The following COL5A2 variants were observed in gnomAD, a reference collection of about 807,000 sequenced individuals.
The protein encoded by COL5A2 is collagen alpha-2(V) chain.
In COL5A2, 23 loss-of-function variants were observed where a neutral mutation model predicts 208.2. The observed-to-expected ratio is 0.11, with a 90% CI of 0.08 to 0.16. The LOEUF (loss-of-function observed/expected upper bound fraction) is 0.16. Ranked by LOEUF, COL5A2 falls within the 10% of genes least tolerant of loss-of-function variation. The pLI, the probability that COL5A2 is intolerant of heterozygous loss-of-function variation, is 1.00. For missense variants in COL5A2, 1,590 were observed against 1,956.4 expected, an observed-to-expected ratio of 0.81 and a Z score of 3.53; for synonymous variants, 625 against 628.5, an observed-to-expected ratio of 0.99 and a Z score of 0.08.
chr2:189,299,913 GT>G, the COL5A2 span, among the ~76,000 whole-genome samples: 5 of 152,124 alleles, frequency 3.3e-5, no homozygotes, highest in Non-Finnish European at 7.4e-5. Flanking sequence ...CTAACCTATT[GT>G]GCAAAGTGGA....
chr2:189,237,194 C>T, the COL5A2 span, among the ~76,000 whole-genome samples: 1 of 151,600 alleles, frequency 6.6e-6, no homozygotes, highest in African/African-American at 2.4e-5. Context: ...TTAATAATTT[C>T]CTATTCCAGT....
the COL5A2 span, among the ~76,000 whole-genome samples, chr2:189,343,183 A>G: frequency 6.6e-6 from 1 of 152,082 alleles, no homozygotes; most frequent in Non-Finnish European, 1.5e-5. Context: ...TAAAAAAAAC[A>G]GTCATTTTAT....
chr2:189,111,207 T>A (rs1559109198), intron 1 of COL5A2, among the ~76,000 whole-genome samples: 3 of 150,802 alleles, frequency 2.0e-5, no homozygotes, highest in Non-Finnish European at 1.5e-5. Flanking sequence ...TTTAAGAAAG[T>A]TTGGGAAAAT....
the COL5A2 span, among the ~76,000 whole-genome samples, chr2:189,405,229 GCCTT>G: frequency 2.1e-5 from 2 of 97,224 alleles, no homozygotes; most frequent in Admixed American, 1.1e-4. Flanking sequence ...TTAATTAAAT[GCCTT>G]TTTTTTCTTT....
the COL5A2 span, chr2:189,311,353 G>C: frequency 1.0e-6 from 1 of 968,612 alleles, no homozygotes; most frequent in Non-Finnish European, 1.6e-6. Context: ...TTTGCATGGA[G>C]TTGCTGCTGT....
intron 1 of COL5A2, among the ~76,000 whole-genome samples, chr2:189,114,680 G>T (rs1010425794): frequency 5.3e-5 from 8 of 150,938 alleles, no homozygotes; most frequent in Admixed American, 4.0e-4. Context: ...TATTGGGGCC[G>T]GTCAGGGAGT....
chr2:189,197,424 C>G (rs572065232), intron 1 of COL5A2, among the ~76,000 whole-genome samples: 4 of 152,130 alleles, frequency 2.6e-5, no homozygotes, highest in Middle Eastern at 3.4e-3. Flanking sequence ...ACATTCTGTA[C>G]TTGTAACCCA....
At chr2:189,316,113 T>C in the COL5A2 span, among the ~76,000 whole-genome samples, 5 of 152,146 alleles carry the variant, frequency 3.3e-5, no homozygotes, top group Non-Finnish European at 5.9e-5. Flanking sequence ...TTACTTGCTA[T>C]ATACCTAAGG....
intron 7 of COL5A2, among the ~76,000 whole-genome samples, chr2:189,089,782 T>C (rs1291856013): frequency 6.6e-6 from 1 of 152,180 alleles, no homozygotes; most frequent in African/African-American, 2.4e-5. Flanking sequence ...ATCTTGATGT[T>C]ACTAAAGTAG....
chr2:189,079,912 G>C (rs757173502), intron 14 of COL5A2, 66 bp downstream of exon 14: 8 of 1,337,310 alleles, frequency 6.0e-6, no homozygotes, highest in Non-Finnish European at 8.6e-6. Flanking sequence ...TCTGAAAAAT[G>C]TGTAAACATT....
chr2:189,079,294 A>C (rs761063524), intron 14 of COL5A2, among the ~76,000 whole-genome samples, 187 bp from the exon 15 acceptor site: 47 of 152,180 alleles, frequency 3.1e-4, no homozygotes, highest in Non-Finnish European at 2.9e-4. Context: ...AGTTTTAAAG[A>C]AATACATCTA....
the COL5A2 span, among the ~76,000 whole-genome samples, chr2:189,296,631 CA>C: frequency 6.6e-6 from 1 of 152,084 alleles, no homozygotes; most frequent in South Asian, 2.1e-4. Flanking sequence ...TGCCTTAGTC[CA>C]AATGTAAATC....
chr2:189,199,209 C>T (rs749438857), intron 1 of COL5A2, among the ~76,000 whole-genome samples: 2 of 152,142 alleles, frequency 1.3e-5, no homozygotes, highest in African/African-American at 2.4e-5. Flanking sequence ...AAAAGCAACA[C>T]TGGCCACTTT....
At chr2:189,238,045 C>T in the COL5A2 span, among the ~76,000 whole-genome samples, 10 of 151,654 alleles carry the variant, frequency 6.6e-5, no homozygotes, top group East Asian at 5.8e-4. Flanking sequence ...AATATATTTG[C>T]GAGCTATTAT....
At chr2:189,048,161 T>G (rs1488768229) in intron 45 of COL5A2, 48 bp downstream of exon 45, 1 of 1,557,612 alleles carries the variant, frequency 6.4e-7, no homozygotes, top group South Asian at 1.1e-5. Context: ...TAAAAAGATT[T>G]CAGATTTGCA....
At chr2:189,417,346 A>C in the COL5A2 span, among the ~76,000 whole-genome samples, 2 of 152,038 alleles carry the variant, frequency 1.3e-5, no homozygotes, top group Admixed American at 6.6e-5. Flanking sequence ...TTCTATATTA[A>C]TTATTCCATT....
chr2:189,367,236 G>C, the COL5A2 span, among the ~76,000 whole-genome samples: 129,878 of 152,106 alleles, frequency 0.85, 56,618 homozygotes, highest in Non-Finnish European at 0.95. Context: ...CCAACTGCCC[G>C]AATTGGCCCA....
intron 1 of COL5A2, among the ~76,000 whole-genome samples, chr2:189,209,199 C>T (rs2105865710): frequency 6.6e-6 from 1 of 152,236 alleles, no homozygotes; most frequent in East Asian, 1.9e-4. Flanking sequence ...AGTATCAATT[C>T]TTTATATTGA....
chr2:189,419,113 CTTTA>C, the COL5A2 span, among the ~76,000 whole-genome samples: 1 of 152,176 alleles, frequency 6.6e-6, no homozygotes, highest in Non-Finnish European at 1.5e-5. Flanking sequence ...TCTTCATGCT[CTTTA>C]AATGTTCTGG....
Sources: allele counts gnomAD v4.1 joint callset (sites outside exome capture counted in the v4.1 genomes callset), GRCh38; gene constraint gnomAD v4.1.1; transcripts MANE v1.5; gene names NCBI Gene and HGNC (gene_info 2026-07-23, HGNC 2026-07-21).